Variants in NKAIN2 observed in about 807,000 individuals in gnomAD.
NKAIN2 encodes sodium/potassium-transporting ATPase subunit beta-1-interacting protein 2.
In NKAIN2, 14 loss-of-function variants were observed where a neutral mutation model predicts 32.6. The observed-to-expected ratio is 0.43, with a 90% confidence interval of 0.28 to 0.67. The LOEUF (loss-of-function observed/expected upper bound fraction) is 0.67, where lower values mean the gene tolerates loss of function less well. Ranked by LOEUF, NKAIN2 falls within the 30% of genes least tolerant of loss-of-function variation. The pLI, the probability that NKAIN2 is intolerant of heterozygous loss-of-function variation, is 0.17. For synonymous variants in NKAIN2, 80 were observed against 87.2 expected, an observed-to-expected ratio of 0.92 and a Z score of 0.46; for missense variants, 198 against 258.3, an observed-to-expected ratio of 0.77 and a Z score of 1.60.
chr6:124,707,026 C>T (rs9321004), intron 4 of NKAIN2, among the ~76,000 whole-genome samples: 61,883 of 140,100 alleles, frequency 0.44, 13,812 homozygotes, highest in African/African-American at 0.53. Flanking sequence ...AAGTGTGATA[C>T]TCCCCTTCCT....
chr6:124,427,036 T>C (rs965755795), intron 3 of NKAIN2, among the ~76,000 whole-genome samples: 3 of 152,212 alleles, frequency 2.0e-5, no homozygotes, highest in African/African-American at 7.2e-5. Flanking sequence ...GGAAATGGAC[T>C]AATACACATA....
At chr6:124,612,876 G>A (rs1414502962) in intron 3 of NKAIN2, among the ~76,000 whole-genome samples, 1 of 152,112 alleles carries the variant, frequency 6.6e-6, no homozygotes, top group Non-Finnish European at 1.5e-5. Flanking sequence ...ATTTGCATGA[G>A]AGAGTTTGGA....
chr6:124,227,084 A>G (rs1196368196), intron 1 of NKAIN2, among the ~76,000 whole-genome samples: 2 of 100,314 alleles, frequency 2.0e-5, no homozygotes, highest in African/African-American at 6.1e-5. Context: ...ACTCTCTTGG[A>G]GGCAAAAAAA....
intron 3 of NKAIN2, among the ~76,000 whole-genome samples, chr6:124,469,198 A>G (rs968565210): frequency 6.6e-6 from 1 of 152,190 alleles, no homozygotes; most frequent in Non-Finnish European, 1.5e-5. Context: ...TGTTGCTTAC[A>G]AAGTATTCCC....
At chr6:124,269,426 CT>C (rs1052580649) in intron 1 of NKAIN2, among the ~76,000 whole-genome samples, 1 of 143,618 alleles carries the variant, frequency 7.0e-6, no homozygotes, top group Non-Finnish European at 1.5e-5. Context: ...GTGGCAATTT[CT>C]TTTTCTTTTC....
intron 1 of NKAIN2, among the ~76,000 whole-genome samples, chr6:124,242,176 A>C (rs1163081181): frequency 6.6e-6 from 1 of 152,214 alleles, no homozygotes; most frequent in East Asian, 1.9e-4. Context: ...TCCACAATCT[A>C]CAAGGAAGTT....
rs142692878 is a variant in NKAIN2, at chr6:124,699,830, G to A, written c.474+41444G>A. Among the ~76,000 whole-genome samples, 7 of 152,092 alleles carry A rather than the reference G, an allele frequency of 4.6e-5. No individual in the cohort carries two copies. In the East Asian group the frequency reaches 1.4e-3, roughly 29 times the overall value. ...TATTTCTTTATAGCAATGCAAAAAC[G>A]GACTAATACACCTTGGAAGTCACAG... On this transcript the variant is annotated intron_variant, in intron 4 of 6. Coordinates refer to ENST00000368417, the MANE Select transcript of NKAIN2 (RefSeq NM_001040214.3).
intron 4 of NKAIN2, among the ~76,000 whole-genome samples, chr6:124,705,174 T>TAA (rs1774996082): frequency 6.6e-6 from 1 of 152,024 alleles, no homozygotes; most frequent in African/African-American, 2.4e-5. Flanking sequence ...ACTAAGTAGA[T>TAA]AAATGAATCT....
intron 1 of NKAIN2, among the ~76,000 whole-genome samples, chr6:124,013,115 A>G: frequency 6.6e-6 from 1 of 152,204 alleles, no homozygotes; most frequent in East Asian, 1.9e-4. Context: ...GTTATTTGCT[A>G]TATGACTTTC....
intron 1 of NKAIN2, among the ~76,000 whole-genome samples, chr6:124,048,374 A>G (rs1019907305): frequency 6.6e-6 from 1 of 151,998 alleles, no homozygotes; most frequent in African/African-American, 2.4e-5. Flanking sequence ...AGGGTGGCTG[A>G]GATGGTTTCA....
chr6:124,727,286 A>C (rs1464674773), intron 4 of NKAIN2, among the ~76,000 whole-genome samples: 5 of 152,134 alleles, frequency 3.3e-5, no homozygotes, highest in African/African-American at 1.2e-4. Flanking sequence ...TGAAGGAAAA[A>C]ATGTTAACGG....
At chr6:124,172,437 T>G (rs993346801) in intron 1 of NKAIN2, among the ~76,000 whole-genome samples, 1 of 152,170 alleles carries the variant, frequency 6.6e-6, no homozygotes, top group Admixed American at 6.5e-5. Flanking sequence ...AAGTTTCATT[T>G]TATTATGGAG....
Position 124,355,631 on chromosome 6 carries a change from G to A in NKAIN2, c.273+284G>A, listed in dbSNP as rs146213050. Among the ~76,000 whole-genome samples, 603 of 152,126 alleles carry A rather than the reference G, an allele frequency of 4.0e-3. 3 individuals are homozygous for A. The highest frequency in any genetic ancestry group is 0.017 in the Middle Eastern group (5 of 292). On this transcript the variant is annotated intron_variant, in intron 3 of 6. Coordinates refer to ENST00000368417, the MANE Select transcript of NKAIN2 (RefSeq NM_001040214.3). Reference sequence around the variant, plus strand: ...CACTGAATGATTTCTGAAGCAAAATGTGAATTTTTTTCAGAGAAAAAAATC... The same window carrying A: ...CACTGAATGATTTCTGAAGCAAAATATGAATTTTTTTCAGAGAAAAAAATC...
At chr6:123,852,187 C>T (rs1775375501) in intron 1 of NKAIN2, among the ~76,000 whole-genome samples, 1 of 152,206 alleles carries the variant, frequency 6.6e-6, no homozygotes, top group African/African-American at 2.4e-5. Context: ...AGTCCCAGCA[C>T]CACTTATTGA....
chr6:124,245,262 G>C (rs2626108), intron 1 of NKAIN2, among the ~76,000 whole-genome samples: 1 of 151,910 alleles, frequency 6.6e-6, no homozygotes, highest in East Asian at 1.9e-4. Flanking sequence ...TCACATTTTA[G>C]CACTTCAGTG....
intron 1 of NKAIN2, among the ~76,000 whole-genome samples, chr6:123,966,519 T>C (rs1332191008): frequency 6.6e-6 from 1 of 152,148 alleles, no homozygotes; most frequent in East Asian, 1.9e-4. Context: ...TTGTAATCCA[T>C]CACAATGCGT....
intron 4 of NKAIN2, among the ~76,000 whole-genome samples, chr6:124,764,372 T>A (rs1260588174): frequency 6.6e-6 from 1 of 152,202 alleles, no homozygotes; most frequent in Non-Finnish European, 1.5e-5. Context: ...TAATAAAAAT[T>A]CACCAATAAT....
chr6:124,703,265 G>A (rs2114575172), intron 4 of NKAIN2, among the ~76,000 whole-genome samples: 1 of 150,346 alleles, frequency 6.7e-6, no homozygotes, highest in East Asian at 2.0e-4. Flanking sequence ...AAGTGGGAAA[G>A]ACTAAAGGAA....
intron 2 of NKAIN2, among the ~76,000 whole-genome samples, chr6:124,299,115 G>C (rs900092207): frequency 6.6e-6 from 1 of 152,208 alleles, no homozygotes; most frequent in Non-Finnish European, 1.5e-5. Flanking sequence ...CCTGTAGGGA[G>C]TCTACTGCTA....
Sources: gnomAD v4.1 joint callset for allele counts (sites outside exome capture counted in the v4.1 genomes callset) on GRCh38, gnomAD v4.1.1 for gene constraint, MANE v1.5 for transcripts, NCBI Gene and HGNC (gene_info 2026-07-23, HGNC 2026-07-21) for gene names.